Variants in ADCY1 observed in about 807,000 individuals in gnomAD.
ADCY1 encodes adenylate cyclase type 1.
Under a neutral mutation model 105.4 loss-of-function variants are expected in ADCY1, and 28 were observed. The ratio of observed to expected loss-of-function variants is 0.27; its 90% CI spans 0.20 to 0.36. ADCY1 has a LOEUF of 0.36. Ranked by LOEUF, ADCY1 falls within the 10% of genes least tolerant of loss-of-function variation. The probability of loss-of-function intolerance (pLI) is 1.00; values close to 1 mark genes in which losing one functional copy is unlikely to be tolerated. For synonymous variants in ADCY1, 655 were observed against 623.8 expected (o/e 1.05, Z -0.75); for missense variants, 977 against 1,434.2 (o/e 0.68, Z 5.15).
intron 1 of ADCY1, among the ~76,000 whole-genome samples, chr7:45,582,470 G>T (rs1484652610): frequency 6.6e-6 from 1 of 152,066 alleles, no homozygotes; most frequent in African/African-American, 2.4e-5. Context: ...TGGAGGCAGG[G>T]ACCGGGCTAG....
At position 45,710,766 on chromosome 7, in the gene ADCY1, G is replaced by T; in HGVS notation, c.3057+114G>T. The T allele has an allele frequency of 7.3e-7, 1 of 1,366,318 alleles. No homozygotes were observed. Among genetic ancestry groups the T allele is most frequent in the Non-Finnish European group, 9.8e-7 (1 of 1,022,250 alleles). 84.6% of individuals were successfully genotyped at this position (1,366,318 alleles called of 1,614,324 possible). ...TCTACAGCCCGTAAGTGGCAGGGCA[G>T]AAAGAGCTGCATATTTCGGTCTGTC... On this transcript the variant is annotated intron_variant, in intron 19 of 19. Coordinates refer to ENST00000297323, the MANE Select transcript of ADCY1 (RefSeq NM_021116.4). The surrounding 1 kb of genome is among the most constrained non-coding windows in gnomAD (Gnocchi z 4.7).
At position 45,686,664 on chromosome 7, in the gene ADCY1, G is replaced by T; in HGVS notation, c.2445G>T (p.Trp815Cys). The T allele has an allele frequency of 6.2e-7, 1 of 1,608,598 alleles. No homozygotes were observed. Among genetic ancestry groups the T allele is most frequent in the Non-Finnish European group, 8.5e-7 (1 of 1,176,288 alleles). The change falls in exon 14 of 20, where the codon TGG (tryptophan) becomes TGT (cysteine). Residue 815 changes from tryptophan to cysteine, a missense_variant. Coordinates refer to ENST00000297323, the MANE Select transcript of ADCY1 (RefSeq NM_021116.4). This position sits in a 1 kb window ranked among gnomAD's most constrained non-coding sequence, Gnocchi z 4.3. ...TCAGGCTGAGGCTGGACTACCTCTG[G>T]GCCGCACAGGCAAGACGAGCCCTTT... ...VDIRLRLDYLWAAQAEEERED... is the reference protein window; with the variant it reads ...VDIRLRLDYLCAAQAEEERED...
At chr7:45,712,965 C>T (rs564493388) in intron 19 of ADCY1, among the ~76,000 whole-genome samples, 1 of 152,268 alleles carries the variant, frequency 6.6e-6, no homozygotes, top group African/African-American at 2.4e-5. Context: ...CTGGTCCCTC[C>T]CTCCCCTGAC....
chr7:45,691,948 C>T (rs912184956), intron 14 of ADCY1, among the ~76,000 whole-genome samples: 1 of 151,152 alleles, frequency 6.6e-6, no homozygotes, highest in Admixed American at 6.6e-5. Context: ...AAGCCGTGGT[C>T]ATCATGCTTC....
intron 5 of ADCY1, among the ~76,000 whole-genome samples, chr7:45,655,816 A>T (rs1176650921): frequency 6.6e-6 from 1 of 152,060 alleles, no homozygotes; most frequent in African/African-American, 2.4e-5. Flanking sequence ...TTACTGTTTC[A>T]TGGCTTCGGA....
rs1357048245 is a variant in ADCY1, at chr7:45,603,209, G to A, written c.790-7170G>A. Among the ~76,000 whole-genome samples the A allele has an allele frequency of 5.9e-5, 9 of 152,126 alleles. No individual in the cohort carries two copies. The East Asian group carries it at 1.5e-3, about 26-fold the overall frequency. ...GATCACATTTTGTTTATCTGTTCAC[G>A]GCTGATACATATTTGGGTTGTTTCC... On this transcript the variant is annotated intron_variant, in intron 2 of 19. Transcript: ENST00000297323.
chr7:45,610,534 G>A (rs371540432), intron 3 of ADCY1, 37 bp downstream of exon 3: 19 of 1,561,512 alleles, frequency 1.2e-5, no homozygotes, highest in South Asian at 7.8e-5. Flanking sequence ...CGGGGAGCCT[G>A]GGAAGCTGAG....
intron 2 of ADCY1, among the ~76,000 whole-genome samples, chr7:45,606,656 A>C (rs1793382270): frequency 6.6e-6 from 1 of 152,224 alleles, no homozygotes; most frequent in Admixed American, 6.5e-5. Context: ...CAGCAGGAGG[A>C]ATAGGGAAAA....
chr7:45,576,049 TG>T (rs930546589), intron 1 of ADCY1, among the ~76,000 whole-genome samples: 21 of 47,128 alleles, frequency 4.5e-4, no homozygotes, highest in African/African-American at 1.6e-3. Context: ...GCTGGGGAGT[TG>T]GGGGGTGGGG....
chr7:45,578,959 G>A (rs772158709), intron 1 of ADCY1, among the ~76,000 whole-genome samples: 10 of 152,198 alleles, frequency 6.6e-5, no homozygotes, highest in Non-Finnish European at 1.3e-4. Flanking sequence ...CAATGTAAAT[G>A]AAATACATTT....
Position 45,678,211 on chromosome 7 carries a change from A to C in ADCY1, c.1846A>C (p.Thr616Pro). The C allele has an allele frequency of 1.2e-6, 2 of 1,613,972 alleles. No individual in the cohort carries two copies. The highest frequency in any genetic ancestry group is 1.7e-6 in the Non-Finnish European group (2 of 1,179,982). Residue 616 changes from threonine (T) to proline (P), a missense_variant, in exon 10 of 20, where the codon ACC becomes CCC. Thr to Pro is a conservative substitution (Grantham distance 38). Coordinates refer to ENST00000297323, the MANE Select transcript of ADCY1 (RefSeq NM_021116.4). ...GTATTTCACCAGCGCCGTTGTCCTC[A>C]CCCTCATCCTGGCTGCCTTATTTGG... is the stretch of plus-strand genomic sequence containing the variant. ...DEYFTSAVVL[T>P]LILAALFGLV...
chr7:45,711,958 AAT>A (rs1253497369), intron 19 of ADCY1, among the ~76,000 whole-genome samples: 1 of 101,310 alleles, frequency 9.9e-6, no homozygotes, highest in African/African-American at 3.5e-5. Flanking sequence ...TATTATATTA[AAT>A]ATATAAATAC....
chr7:45,575,066 G>T lies in ADCY1; in HGVS notation c.523G>T (p.Ala175Ser). 7.4e-6 allele frequency: 12 copies of T among 1,612,654 alleles called. No individual in the cohort carries two copies. The highest frequency in any genetic ancestry group is 1.0e-5 in the Non-Finnish European group (12 of 1,179,892). The change falls in exon 1 of 20, where the codon GCC (alanine) becomes TCC (serine). Residue 175 changes from alanine to serine, a missense_variant. Ala to Ser is a moderately conservative substitution (Grantham distance 99, BLOSUM62 1). Around this residue, in one of 7 missense-constraint regions of ADCY1, gnomAD observed 196 missense variants for 347.8 expected, o/e 0.56. Transcript: ENST00000297323. This position sits in a 1 kb window ranked among gnomAD's most constrained non-coding sequence, Gnocchi z 4.7. ...CCTTTTGGTCACCTTCGTGTCCTATGCCTTGCTGCCCGTGCGCAGCCTGCT... is the reference window on the plus strand; with the variant it reads ...CCTTTTGGTCACCTTCGTGTCCTATTCCTTGCTGCCCGTGCGCAGCCTGCT... ...QLLLVTFVSY[A>S]LLPVRSLLAI...
chr7:45,645,509 A>C (rs1794636851), intron 4 of ADCY1, among the ~76,000 whole-genome samples: 1 of 152,082 alleles, frequency 6.6e-6, no homozygotes, highest in African/African-American at 2.4e-5. Flanking sequence ...CCCTGCTACC[A>C]TCAGATCTGA....
intron 1 of ADCY1, among the ~76,000 whole-genome samples, chr7:45,587,433 G>T (rs145744663): frequency 6.6e-6 from 1 of 152,158 alleles, no homozygotes; most frequent in Non-Finnish European, 1.5e-5. Context: ...TGTGTCAGGC[G>T]GTGGGGTTAG....
chr7:45,693,566 A>G (rs1784822740), intron 14 of ADCY1, among the ~76,000 whole-genome samples: 1 of 150,110 alleles, frequency 6.7e-6, no homozygotes, highest in South Asian at 2.1e-4. Context: ...GTCTTGGGAG[A>G]GTGTATGTGT....
At chr7:45,578,106 T>G (rs1792404180) in intron 1 of ADCY1, among the ~76,000 whole-genome samples, 1 of 152,188 alleles carries the variant, frequency 6.6e-6, no homozygotes. Flanking sequence ...GTTCCTCTCC[T>G]GTAAAGCCCA....
chr7:45,713,734 C>T lies in ADCY1; in HGVS notation c.3099C>T (p.Tyr1033=), dbSNP rs12721476. 46 of 780,766 alleles carry T rather than the reference C, an allele frequency of 5.9e-5. No homozygotes were observed. Among genetic ancestry groups the T allele is most frequent in the Non-Finnish European group, 9.6e-5 (40 of 418,142 alleles). 48.4% of individuals were successfully genotyped at this position (780,766 alleles called of 1,614,324 possible). ...EVHRLLRRCP[Y]HFVCRGKVSV... is the part of the protein sequence containing the mutation. Reference sequence around the variant, plus strand: ...ACCGGCTGCTGAGAAGGTGCCCCTACCACTTTGTGTGCCGAGGCAAAGTCA... The same window carrying T: ...ACCGGCTGCTGAGAAGGTGCCCCTATCACTTTGTGTGCCGAGGCAAAGTCA... Residue 1033 remains tyrosine, a synonymous_variant, in exon 20 of 20, where the codon TAC becomes TAT. Transcript: ENST00000297323.
At chr7:45,675,047 T>C (rs146659233) in intron 8 of ADCY1, among the ~76,000 whole-genome samples, 45 of 152,332 alleles carry the variant, frequency 3.0e-4, no homozygotes, top group African/African-American at 1.1e-3. Flanking sequence ...ATGCAATTAT[T>C]GATATGTTAT....
Sources: gnomAD v4.1 joint callset for allele counts (sites outside exome capture counted in the v4.1 genomes callset) on GRCh38, gnomAD v4.1.1 for gene constraint, gnomAD v4.1.1 regional missense constraint, Gnocchi (gnomAD v3.1) non-coding constraint, MANE v1.5 for transcripts, NCBI Gene and HGNC (gene_info 2026-07-23, HGNC 2026-07-21) for gene names.